The following SRL variants were observed in gnomAD, a reference collection of about 807,000 sequenced individuals.
SRL encodes sarcalumenin.
SRL carries 23 observed loss-of-function variants against 39.5 expected under a neutral mutation model. The observed-to-expected ratio is 0.58, with a 90% CI of 0.42 to 0.82. SRL has a LOEUF of 0.82. Ranked by LOEUF, SRL falls within the 40% of genes least tolerant of loss-of-function variation. The pLI is 0.00. For synonymous variants in SRL, 272 were observed against 237.4 expected (o/e 1.15, Z -1.34); for missense variants, 592 against 607.8 (o/e 0.97, Z 0.27).
chr16:4,203,225 G>A lies in SRL; in HGVS notation c.200C>T (p.Ser67Phe). The change falls in exon 3 of 6, where the codon TCC becomes TTC. Residue 67 changes from serine (S) to phenylalanine (F), a missense_variant. Transcript: ENST00000399609. Reference protein sequence around the residue: ...LQRLRKIYHSSIKPLEQSYKY... With the variant: ...LQRLRKIYHSFIKPLEQSYKY... ...GTAGGACTGCTCCAGAGGCTTGATG[G>A]ATGAGTGGTAGATCTTCCGAAGCCG... is the stretch of plus-strand genomic sequence containing the variant. The A allele has an allele frequency of 6.2e-7, 1 of 1,614,228 alleles. No homozygotes were observed. The highest frequency in any genetic ancestry group is 1.3e-5 in the African/African-American group (1 of 75,068).
intron 2 of SRL, among the ~76,000 whole-genome samples, chr16:4,203,631 C>A (rs773448374): frequency 4.1e-4 from 63 of 152,176 alleles, no homozygotes; most frequent in Non-Finnish European, 7.6e-4. Context: ...AAGTGATCCA[C>A]CCACCTCAGC....
Position 4,190,468 on chromosome 16 carries a change from G to T in SRL, c.*1685C>A, listed in dbSNP as rs747406545. Reference sequence around the variant, plus strand: ...AGGCAGCCCGGGCTGGGTCTCCTGGGCATGCACAGACTGTGCACCATGCAC... The same window carrying T: ...AGGCAGCCCGGGCTGGGTCTCCTGGTCATGCACAGACTGTGCACCATGCAC... On this transcript the variant is annotated 3_prime_UTR_variant, in exon 6 of 6. Coordinates refer to ENST00000399609, the MANE Select transcript of SRL (RefSeq NM_001098814.2). 2 of 398,664 alleles carry T rather than the reference G, an allele frequency of 5.0e-6. No individual in the cohort carries two copies. The highest frequency in any genetic ancestry group is 8.8e-6 in the Non-Finnish European group (2 of 226,206). The allele number at this position is 398,664 out of a possible 1,614,324, so 24.7% of individuals were successfully genotyped here.
At chr16:4,226,158 T>A (rs932824452) in intron 1 of SRL, among the ~76,000 whole-genome samples, 4 of 152,194 alleles carry the variant, frequency 2.6e-5, no homozygotes, top group African/African-American at 9.6e-5. Context: ...GTCTTCCCCA[T>A]CTTCCATCCC....
chr16:4,217,336 AG>A (rs1249818220), intron 1 of SRL, among the ~76,000 whole-genome samples: 1 of 152,132 alleles, frequency 6.6e-6, no homozygotes, highest in Admixed American at 6.5e-5. Flanking sequence ...GTGTGACGAA[AG>A]CTCACTGCAG....
At chr16:4,195,166 A>G (rs1181395796) in intron 5 of SRL, among the ~76,000 whole-genome samples, 2 of 152,178 alleles carry the variant, frequency 1.3e-5, no homozygotes, top group East Asian at 3.9e-4. Flanking sequence ...GAGTGCTGGG[A>G]TTACAGGTGT....
chr16:4,203,343 C>T, intron 2 of SRL, 82 bp from the exon 3 acceptor site: 1 of 1,152,364 alleles, frequency 8.7e-7, no homozygotes, highest in South Asian at 1.2e-5. Context: ...GCCTCACCAC[C>T]CAGGGCAGCT....
intron 1 of SRL, among the ~76,000 whole-genome samples, chr16:4,212,061 T>C (rs1281301848): frequency 6.6e-6 from 1 of 152,192 alleles, no homozygotes; most frequent in Admixed American, 6.5e-5. Flanking sequence ...AGGTTCACCG[T>C]GACCATGACC....
At chr16:4,204,359 AC>A (rs2052282167) in intron 2 of SRL, among the ~76,000 whole-genome samples, 173 bp downstream of exon 2, 2 of 79,178 alleles carry the variant, frequency 2.5e-5, no homozygotes, top group Admixed American at 1.4e-4. Context: ...GAAGCCTCCC[AC>A]CTTCAGGGCT....
At chr16:4,232,927 G>A (rs1450046120) in intron 1 of SRL, among the ~76,000 whole-genome samples, 1 of 152,158 alleles carries the variant, frequency 6.6e-6, no homozygotes, top group East Asian at 1.9e-4. Context: ...GGGAGGCGGG[G>A]GCTCCCAAAC....
At chr16:4,229,877 A>G (rs2052639764) in intron 1 of SRL, among the ~76,000 whole-genome samples, 1 of 152,068 alleles carries the variant, frequency 6.6e-6, no homozygotes, top group Non-Finnish European at 1.5e-5. Flanking sequence ...GCTGTGCCCA[A>G]GGCCAAGACT....
intron 1 of SRL, among the ~76,000 whole-genome samples, chr16:4,230,515 G>A (rs977827196): frequency 6.6e-6 from 1 of 151,804 alleles, no homozygotes; most frequent in African/African-American, 2.4e-5. Context: ...CAAGTAGCTG[G>A]GATTACAGGC....
At chr16:4,207,076 T>A (rs764984715) in intron 1 of SRL, 10 of 453,188 alleles carry the variant, frequency 2.2e-5, no homozygotes, top group Admixed American at 1.9e-4. Flanking sequence ...TGGGGCTCCC[T>A]GGCTTCCTGG....
At chr16:4,199,692 C>CTTTTTTTTTTTTTTT (rs201684866) in intron 3 of SRL, among the ~76,000 whole-genome samples, 3 of 111,452 alleles carry the variant, frequency 2.7e-5, no homozygotes, top group African/African-American at 1.0e-4. Context: ...CTTTTCTTTT[C>CTTTTTTTTTTTTTTT]CTTTTTTTTT....
rs1351227547 is a variant in SRL, at chr16:4,191,627, AC to A, written c.*525del. On this transcript the variant is annotated 3_prime_UTR_variant, in exon 6 of 6. Coordinates refer to ENST00000399609, the MANE Select transcript of SRL (RefSeq NM_001098814.2). ...CTCCGTCTCAAAAACACAAAAACAA[AC>A]CCAGGTATATTCAGACCCAAGAGAC... is the stretch of plus-strand genomic sequence containing the variant. The A allele has an allele frequency of 6.5e-6, 1 of 153,152 alleles. No individual in the cohort carries two copies. The highest frequency in any genetic ancestry group is 1.5e-5 in the Non-Finnish European group (1 of 68,858). 9.5% of individuals were successfully genotyped at this position (153,152 alleles called of 1,614,324 possible).
At chr16:4,221,692 T>C (rs2052532871) in intron 1 of SRL, among the ~76,000 whole-genome samples, 3 of 152,184 alleles carry the variant, frequency 2.0e-5, no homozygotes, top group Non-Finnish European at 4.4e-5. Context: ...CACTATAAAC[T>C]TAGTGGTGTA....
chr16:4,192,976 A>C lies in SRL; in HGVS notation c.611-12T>G. 2 of 1,596,822 alleles carry C rather than the reference A, an allele frequency of 1.3e-6. No individual in the cohort carries two copies. Among genetic ancestry groups the C allele is most frequent in the Non-Finnish European group, 1.7e-6 (2 of 1,172,484 alleles). On this transcript the variant is annotated splice_polypyrimidine_tract_variant and intron_variant, in intron 5 of 5. Coordinates refer to ENST00000399609, the MANE Select transcript of SRL (RefSeq NM_001098814.2). This position sits in a 1 kb window ranked among gnomAD's most constrained non-coding sequence, Gnocchi z 4.0. ...GTTGAAGGGGTAGCCTTTGGGAGAC[A>C]GAAGTGAGAAGTCAAACTGAGTAGG...
At chr16:4,202,213 A>C (rs67153307) in intron 3 of SRL, among the ~76,000 whole-genome samples, 34 of 152,224 alleles carry the variant, frequency 2.2e-4, no homozygotes, top group African/African-American at 8.2e-4. Flanking sequence ...AACAAAAAAC[A>C]ACATCCATCT....
chr16:4,229,392 G>C (rs1037199015), intron 1 of SRL, among the ~76,000 whole-genome samples: 29 of 152,238 alleles, frequency 1.9e-4, no homozygotes, highest in East Asian at 1.2e-3. Context: ...GGAGCTTGCA[G>C]TGAGCCAAGA....
intron 1 of SRL, among the ~76,000 whole-genome samples, chr16:4,240,833 C>T (rs566447299): frequency 1.3e-5 from 2 of 152,250 alleles, no homozygotes; most frequent in Admixed American, 6.5e-5. Flanking sequence ...CATACTTAGC[C>T]GCCTGACAGC....
Sources: allele counts gnomAD v4.1 joint callset (sites outside exome capture counted in the v4.1 genomes callset), GRCh38; gene constraint gnomAD v4.1.1; non-coding constraint Gnocchi (gnomAD v3.1); transcripts MANE v1.5; gene names NCBI Gene and HGNC (gene_info 2026-07-23, HGNC 2026-07-21).